The following MYPN variants were observed in gnomAD, a reference collection of about 807,000 sequenced individuals.
MYPN encodes sarcomeric protein myopalladin, 145 kDa (MYOP).
A neutral mutation model predicts 129.4 loss-of-function variants in MYPN; 63 were observed. The observed-to-expected ratio is 0.49, with a 90% CI of 0.40 to 0.60. The LOEUF (loss-of-function observed/expected upper bound fraction) is 0.60. Ranked by LOEUF, MYPN falls within the 20% of genes least tolerant of loss-of-function variation. The pLI is 0.00. For synonymous variants in MYPN, 629 were observed against 600.9 expected (o/e 1.05, Z -0.68); for missense variants, 1,596 against 1,635.4 (o/e 0.98, Z 0.42).
intron 13 of MYPN, among the ~76,000 whole-genome samples, chr10:68,190,970 C>A (rs182084743): frequency 1.3e-5 from 2 of 152,074 alleles, no homozygotes; most frequent in Non-Finnish European, 2.9e-5. Context: ...ATGTTCTTGG[C>A]GCCTTTGTCA....
intron 12 of MYPN, among the ~76,000 whole-genome samples, chr10:68,186,470 T>C (rs371823500): frequency 6.6e-6 from 1 of 152,186 alleles, no homozygotes; most frequent in Non-Finnish European, 1.5e-5. Context: ...ATCAGCCACA[T>C]GATTCCAAAT....
chr10:68,135,699 T>C (rs922834245), intron 2 of MYPN, among the ~76,000 whole-genome samples: 3 of 152,198 alleles, frequency 2.0e-5, no homozygotes, highest in South Asian at 2.1e-4. Context: ...AGTTGAGTTA[T>C]TCAGTTAACA....
At chr10:68,137,321 A>C (rs1280643049) in intron 2 of MYPN, among the ~76,000 whole-genome samples, 1 of 152,236 alleles carries the variant, frequency 6.6e-6, no homozygotes, top group Non-Finnish European at 1.5e-5. Flanking sequence ...TTAAAAATCC[A>C]ACCTTACACA....
At chr10:68,138,428 C>CT (rs879807023) in intron 2 of MYPN, among the ~76,000 whole-genome samples, 208 of 142,894 alleles carry the variant, frequency 1.5e-3, no homozygotes, top group African/African-American at 3.6e-3. Context: ...TTCTTTCTTT[C>CT]TTTTTTTTTT....
chr10:68,096,012 C>T (rs960085028), intron 1 of MYPN, among the ~76,000 whole-genome samples: 5 of 152,034 alleles, frequency 3.3e-5, no homozygotes, highest in Non-Finnish European at 7.4e-5. Flanking sequence ...GCCTTTTTCT[C>T]ACAAAATTGA....
chr10:68,155,848 C>T (rs1177110004), intron 6 of MYPN, among the ~76,000 whole-genome samples: 2 of 152,122 alleles, frequency 1.3e-5, no homozygotes, highest in Non-Finnish European at 2.9e-5. Flanking sequence ...TGATGATGTG[C>T]CACACTGGAA....
intron 4 of MYPN, 55 bp downstream of exon 4, chr10:68,145,581 C>G (rs2042651510): frequency 7.0e-7 from 1 of 1,433,582 alleles, no homozygotes. Flanking sequence ...ATTAATAGCT[C>G]AAAGAGAATG....
rs1281566165 is a variant in MYPN, at chr10:68,211,845, A to T, written c.*1390A>T. 1 of 453,670 alleles carries T rather than the reference A, an allele frequency of 2.2e-6. No homozygotes were observed. The highest frequency in any genetic ancestry group is 6.9e-5 in the East Asian group (1 of 14,392). The allele number at this position is 453,670 out of a possible 1,614,324, so 28.1% of individuals were successfully genotyped here. On this transcript the variant is annotated 3_prime_UTR_variant, in exon 20 of 20. Coordinates refer to ENST00000358913, the MANE Select transcript of MYPN (RefSeq NM_032578.4). ...TAGGCTGTGCAGGGAAATGAATTGCAGGTGTCTGTTTTCAATTCCCTGTGC... is the reference window on the plus strand; with the variant it reads ...TAGGCTGTGCAGGGAAATGAATTGCTGGTGTCTGTTTTCAATTCCCTGTGC...
At chr10:68,130,152 A>C (rs2042387027) in intron 2 of MYPN, among the ~76,000 whole-genome samples, 1 of 152,082 alleles carries the variant, frequency 6.6e-6, no homozygotes, top group African/African-American at 2.4e-5. Flanking sequence ...TTATTGATTT[A>C]TAAAACTTTT....
At position 68,143,004 on chromosome 10, in the gene MYPN, C is replaced by G. The variant is rs1409393204; in HGVS notation, c.967C>G (p.Leu323Val). 6.2e-7 allele frequency: 1 copy of G among 1,614,146 alleles called. No individual in the cohort carries two copies. Among genetic ancestry groups the G allele is most frequent in the East Asian group, 2.2e-5 (1 of 44,876 alleles). Residue 323 changes from leucine to valine, a missense_variant, in exon 3 of 20, where the codon CTG (leucine) becomes GTG (valine). Physicochemically the swap from Leu to Val is conservative, Grantham distance 32 (BLOSUM62 1). Transcript: ENST00000358913. ...TATTCACATCGTCCAGGCAGGAAAT[C>G]TGCACTCACTGACCATTGCGGAAGC... ...PDIHIVQAGN[L>V]HSLTIAEAFE...
chr10:68,137,135 AAAAAAT>A (rs544382904), intron 2 of MYPN, among the ~76,000 whole-genome samples: 227 of 152,314 alleles, frequency 1.5e-3, no homozygotes, highest in African/African-American at 4.6e-3. Flanking sequence ...AAAAATTTAT[AAAAAAT>A]AACTACATTT....
At chr10:68,114,770 G>A (rs1328690938) in intron 1 of MYPN, among the ~76,000 whole-genome samples, 5 of 152,156 alleles carry the variant, frequency 3.3e-5, no homozygotes, top group African/African-American at 1.2e-4. Flanking sequence ...TGTCTATGTT[G>A]CCAAATTATT....
intron 11 of MYPN, among the ~76,000 whole-genome samples, chr10:68,175,041 G>A (rs1168769038): frequency 1.3e-5 from 2 of 152,142 alleles, no homozygotes; most frequent in Non-Finnish European, 2.9e-5. Context: ...GGAGGCTGAG[G>A]CAGGAGAATC....
At chr10:68,136,075 C>T (rs2042482687) in intron 2 of MYPN, 1 of 228,808 alleles carries the variant, frequency 4.4e-6, no homozygotes, top group African/African-American at 2.3e-5. Context: ...TGTGCTAAAA[C>T]AATGAGTCAT....
intron 2 of MYPN, among the ~76,000 whole-genome samples, chr10:68,135,076 C>A (rs916952976): frequency 6.6e-6 from 1 of 151,992 alleles, no homozygotes; most frequent in African/African-American, 2.4e-5. Context: ...CTCAGCCTCC[C>A]GAGTAGCTGG....
At chr10:68,157,982 T>A (rs902304629) in intron 6 of MYPN, 1 of 153,510 alleles carries the variant, frequency 6.5e-6, no homozygotes, top group Non-Finnish European at 1.4e-5. Context: ...TAATATTTAA[T>A]AAATTTACTT....
At chr10:68,141,114 T>C (rs1458833141) in intron 2 of MYPN, among the ~76,000 whole-genome samples, 1 of 152,154 alleles carries the variant, frequency 6.6e-6, no homozygotes, top group East Asian at 1.9e-4. Context: ...CTCATGCCTG[T>C]AATCCCAGCA....
At chr10:68,135,179 C>T (rs1380426573) in intron 2 of MYPN, among the ~76,000 whole-genome samples, 1 of 152,104 alleles carries the variant, frequency 6.6e-6, no homozygotes, top group African/African-American at 2.4e-5. Context: ...TCTCAAACCC[C>T]TGACCTCAAG....
At chr10:68,094,673 A>C (rs1304284531) in intron 1 of MYPN, among the ~76,000 whole-genome samples, 2 of 152,196 alleles carry the variant, frequency 1.3e-5, no homozygotes, top group Admixed American at 6.5e-5. Flanking sequence ...ATTTCGTGAT[A>C]TGTAAATTAG....
Sources: gnomAD v4.1 joint callset for allele counts (sites outside exome capture counted in the v4.1 genomes callset) on GRCh38, gnomAD v4.1.1 for gene constraint, MANE v1.5 for transcripts, NCBI Gene and HGNC (gene_info 2026-07-23, HGNC 2026-07-21) for gene names.